SCN11A: variants seen among roughly 807,000 people sequenced by gnomAD.
The protein encoded by SCN11A is sodium channel protein type 11 subunit alpha.
A neutral mutation model predicts 162.2 loss-of-function variants in SCN11A; 122 were observed. The observed-to-expected ratio is 0.75, with a 90% CI of 0.65 to 0.87. The LOEUF is 0.87. Ranked by LOEUF, SCN11A falls within the 40% of genes least tolerant of loss-of-function variation. SCN11A has a pLI of 0.00. For synonymous variants in SCN11A, 758 were observed against 751.5 expected (o/e 1.01, Z -0.14); for missense variants, 2,015 against 2,181.6 (o/e 0.92, Z 1.52).
chr3:38,958,735 C>T (rs751705392), intron 3 of SCN11A, among the ~76,000 whole-genome samples: 1 of 152,014 alleles, frequency 6.6e-6, no homozygotes, highest in African/African-American at 2.4e-5. Context: ...TTCACTAAAC[C>T]CTATAACAAG....
chr3:38,870,650 T>G, intron 26 of SCN11A, 41 bp downstream of exon 26: 1 of 1,564,186 alleles, frequency 6.4e-7, no homozygotes, highest in Non-Finnish European at 8.8e-7. Context: ...TATCTCTGAC[T>G]TGACCATAAC....
intron 2 of SCN11A, among the ~76,000 whole-genome samples, chr3:38,960,910 T>C (rs530135695): frequency 1.3e-5 from 2 of 152,360 alleles, no homozygotes; most frequent in South Asian, 4.1e-4. Context: ...AGAGAACTTT[T>C]GGTCATCCAG....
At chr3:38,918,165 G>A (rs956458524) in intron 11 of SCN11A, among the ~76,000 whole-genome samples, 10 of 152,150 alleles carry the variant, frequency 6.6e-5, no homozygotes, top group African/African-American at 2.4e-4. Context: ...GCTTCTGCCT[G>A]TCTAGGTTAT....
intron 28 of SCN11A, among the ~76,000 whole-genome samples, chr3:38,852,733 T>C (rs201422890): frequency 7.1e-6 from 1 of 140,742 alleles, no homozygotes; most frequent in Admixed American, 6.9e-5. Context: ...CAAAAGCTAA[T>C]ATTTGGATTT....
At chr3:38,902,874 C>CA (rs145201334) in intron 16 of SCN11A, among the ~76,000 whole-genome samples, 46 of 131,870 alleles carry the variant, frequency 3.5e-4, no homozygotes, top group Non-Finnish European at 4.2e-4. Flanking sequence ...AAAGACATCA[C>CA]AAAAAAAAAA....
At chr3:39,048,388 T>C (rs558517145) in intron 1 of SCN11A, among the ~76,000 whole-genome samples, 10 of 152,224 alleles carry the variant, frequency 6.6e-5, no homozygotes, top group Non-Finnish European at 8.8e-5. Flanking sequence ...GGATTATATA[T>C]AGAGAGGTTG....
At chr3:38,963,352 G>GAGATATATATATAT (rs1196119271) in intron 2 of SCN11A, among the ~76,000 whole-genome samples, 8 of 38,284 alleles carry the variant, frequency 2.1e-4, no homozygotes, top group Non-Finnish European at 3.5e-4. Context: ...CTATTTGATG[G>GAGATATATATATAT]ATATATATAT....
intron 7 of SCN11A, among the ~76,000 whole-genome samples, chr3:38,932,420 T>C (rs7646542): frequency 0.067 from 10,224 of 152,218 alleles, 1,108 homozygotes; most frequent in African/African-American, 0.23. Context: ...GGGTGAGGCA[T>C]TGCCTCACTC....
chr3:39,037,789 A>G (rs2031944434), intron 1 of SCN11A, among the ~76,000 whole-genome samples: 1 of 152,154 alleles, frequency 6.6e-6, no homozygotes, highest in Admixed American at 6.5e-5. Context: ...CTGTACTTAT[A>G]ATGGGGGATA....
chr3:38,903,899 G>C lies in SCN11A; in HGVS notation c.1808C>G (p.Ala603Gly), dbSNP rs753526980. Residue 603 changes from alanine (A) to glycine (G), a missense_variant, in exon 16 of 30, where the codon GCC (alanine) becomes GGC (glycine). By Grantham distance (60) the Ala-to-Gly change is moderately conservative. Coordinates refer to ENST00000302328, the MANE Select transcript of SCN11A (RefSeq NM_001349253.2). ...TATATTCAACATCTTCTCAAAACTG[G>C]CCTCCATCTTGTGATGCTCCATGGC... is the stretch of plus-strand genomic sequence containing the variant. The part of the protein sequence containing the change: ...FLAMEHHKME[A>G]SFEKMLNIGN... 1 of 1,610,852 alleles carries C rather than the reference G, an allele frequency of 6.2e-7. No homozygotes were observed. The highest frequency in any genetic ancestry group is 1.7e-5 in the Admixed American group (1 of 59,264).
rs2066432763 is a variant in SCN11A at position 38,940,853 on chromosome 3, C to T, written c.488+4558G>A. On this transcript the variant is annotated intron_variant, in intron 7 of 29. Coordinates refer to ENST00000302328, the MANE Select transcript of SCN11A (RefSeq NM_001349253.2). The stretch of plus-strand genomic sequence containing the variant: ...AAAAATAATAAGCAAAATTAAGAGA[C>T]CATTGATGCCTGCTTCAATTGTGAT... Among the ~76,000 whole-genome samples, 3 of 152,010 alleles carry T rather than the reference C, an allele frequency of 2.0e-5. No individual in the cohort carries two copies. The South Asian group carries it at 6.2e-4, about 32-fold the overall frequency.
Position 38,847,360 on chromosome 3 carries a change from G to A in SCN11A, c.4710C>T (p.Ser1570=). Reference sequence around the variant, plus strand: ...TGCCAGGGAGGTGGCAGTTTTCTGAGGAAGAGTTACATGATTCTTTTGATC... The same window carrying A: ...TGCCAGGGAGGTGGCAGTTTTCTGAAGAAGAGTTACATGATTCTTTTGATC... The part of the protein sequence containing the change: ...MLRSKESCNS[S]SENCHLPGIA... Residue 1570 remains serine, a synonymous_variant, in exon 30 of 30, where the codon TCC becomes TCT. Transcript: ENST00000302328. 1 of 1,614,156 alleles carries A rather than the reference G, an allele frequency of 6.2e-7. No individual in the cohort carries two copies. The highest frequency in any genetic ancestry group is 8.5e-7 in the Non-Finnish European group (1 of 1,180,008).
At chr3:38,877,007 AAG>A (rs1417138101) in intron 23 of SCN11A, among the ~76,000 whole-genome samples, 1 of 148,280 alleles carries the variant, frequency 6.7e-6, no homozygotes, top group Non-Finnish European at 1.5e-5. Context: ...TAGAGAGAGA[AAG>A]AGACATATGG....
intron 2 of SCN11A, among the ~76,000 whole-genome samples, chr3:38,963,548 A>G (rs114238389): frequency 0.032 from 4,812 of 150,984 alleles, 112 homozygotes; most frequent in Middle Eastern, 0.076. Flanking sequence ...ATGCAGACAT[A>G]AAAAGGAATG....
intron 4 of SCN11A, 182 bp from the exon 5 acceptor site, chr3:38,950,551 G>C: frequency 1.6e-6 from 1 of 609,050 alleles, no homozygotes; most frequent in Non-Finnish European, 2.9e-6. Context: ...ACCACTGTGG[G>C]TATAGCAGGA....
chr3:39,008,891 A>C (rs528487998), intron 2 of SCN11A, among the ~76,000 whole-genome samples: 16 of 152,224 alleles, frequency 1.1e-4, no homozygotes, highest in South Asian at 4.1e-4. Context: ...CAAAAAACAA[A>C]AAAAAAAGTA....
intron 2 of SCN11A, among the ~76,000 whole-genome samples, chr3:39,015,822 C>T (rs548585365): frequency 6.9e-4 from 105 of 152,184 alleles, no homozygotes; most frequent in African/African-American, 5.3e-4. Flanking sequence ...CTGCAAACTC[C>T]GCCTCCCGGG....
chr3:38,920,090 G>T, intron 10 of SCN11A, 89 bp from the exon 11 acceptor site: 1 of 1,016,384 alleles, frequency 9.8e-7, no homozygotes, highest in Non-Finnish European at 1.5e-6. Context: ...GCTTGAAAAT[G>T]GATGTTTCTA....
intron 2 of SCN11A, among the ~76,000 whole-genome samples, chr3:39,025,794 G>A (rs2031573340): frequency 1.3e-5 from 2 of 152,146 alleles, no homozygotes; most frequent in Non-Finnish European, 2.9e-5. Context: ...CTGTGACTAA[G>A]AATGCTTAAC....
Sources: gnomAD v4.1 joint callset for allele counts (sites outside exome capture counted in the v4.1 genomes callset) on GRCh38, gnomAD v4.1.1 for gene constraint, MANE v1.5 for transcripts, NCBI Gene and HGNC (gene_info 2026-07-23, HGNC 2026-07-21) for gene names.